The following CCDC3 variants were observed in gnomAD, a reference collection of about 807,000 sequenced individuals.
CCDC3 encodes coiled-coil domain-containing protein 3.
In CCDC3, 24 loss-of-function variants were observed where a neutral mutation model predicts 21.4. The ratio of observed to expected loss-of-function variants is 1.12; its 90% CI spans 0.81 to 1.58. The LOEUF (loss-of-function observed/expected upper bound fraction) is 1.58, where lower values mean the gene tolerates loss of function less well. Among genes scored for constraint, CCDC3 ranks in the 40% most tolerant of loss-of-function variants. CCDC3 has a pLI of 0.00. For missense variants in CCDC3, 425 were observed against 360.9 expected, an observed-to-expected ratio of 1.18 and a Z score of -1.44; for synonymous variants, 186 against 166.0, an observed-to-expected ratio of 1.12 and a Z score of -0.93.
intron 3 of CCDC3, among the ~76,000 whole-genome samples, chr10:13,084,184 G>A (rs180819478): frequency 5.3e-5 from 8 of 152,148 alleles, no homozygotes; most frequent in Middle Eastern, 3.4e-3. Flanking sequence ...CTACATAAAT[G>A]AGTATTATAC....
intron 4 of CCDC3, among the ~76,000 whole-genome samples, chr10:13,052,801 G>A (rs141700965): frequency 3.3e-5 from 5 of 152,190 alleles, no homozygotes; most frequent in East Asian, 3.9e-4. Context: ...TTCGCCAGAT[G>A]TGGTGGTGCA....
chr10:13,019,991 C>T (rs1216686428), intron 5 of CCDC3, among the ~76,000 whole-genome samples: 1 of 152,210 alleles, frequency 6.6e-6, no homozygotes, highest in South Asian at 2.1e-4. Context: ...AGTGAAACTC[C>T]TTCTAAAATA....
At chr10:13,075,977 G>C (rs553506440) in intron 3 of CCDC3, among the ~76,000 whole-genome samples, 1 of 152,316 alleles carries the variant, frequency 6.6e-6, no homozygotes, top group East Asian at 1.9e-4. Flanking sequence ...CAGGAGAATT[G>C]CTTGAACCTG....
chr10:12,928,794 C>T (rs536961625), intron 2 of CCDC3, among the ~76,000 whole-genome samples: 224 of 152,278 alleles, frequency 1.5e-3, no homozygotes, highest in Non-Finnish European at 2.7e-3. Flanking sequence ...TGTGAAGCAT[C>T]GTTCTCCTGT....
At chr10:12,965,427 T>A (rs2668904) in intron 2 of CCDC3, among the ~76,000 whole-genome samples, 151,848 of 152,328 alleles carry the variant, frequency 1, 75,688 homozygotes, top group Non-Finnish European at 1. Flanking sequence ...TTATATGTAC[T>A]TATACTGTCA....
At chr10:13,093,008 C>G (rs918728819) in intron 3 of CCDC3, among the ~76,000 whole-genome samples, 3 of 144,166 alleles carry the variant, frequency 2.1e-5, no homozygotes, top group Non-Finnish European at 4.5e-5. Context: ...AGTGGAAAGT[C>G]ATGTATGAAC....
intron 2 of CCDC3, among the ~76,000 whole-genome samples, chr10:12,946,861 A>G (rs1461741910): frequency 8.5e-5 from 13 of 152,220 alleles, no homozygotes; most frequent in Non-Finnish European, 2.9e-5. Context: ...CTCATCCTGT[A>G]CTACCTCAAA....
intron 2 of CCDC3, among the ~76,000 whole-genome samples, chr10:12,914,888 C>CTTAGT (rs982371696): frequency 3.9e-5 from 6 of 151,914 alleles, no homozygotes; most frequent in African/African-American, 1.5e-4. Flanking sequence ...TAACTTTGGG[C>CTTAGT]TTAGTTTGTT....
intron 2 of CCDC3, among the ~76,000 whole-genome samples, chr10:12,944,090 G>A (rs1293851754): frequency 2.0e-5 from 3 of 152,114 alleles, no homozygotes; most frequent in Non-Finnish European, 2.9e-5. Flanking sequence ...AGTGACTCCA[G>A]TAGAGTACCA....
intron 2 of CCDC3, among the ~76,000 whole-genome samples, chr10:12,948,234 CT>C (rs1834949694): frequency 6.6e-6 from 1 of 152,166 alleles, no homozygotes; most frequent in Non-Finnish European, 1.5e-5. Context: ...CTTCCTTCGC[CT>C]TCCACCATAA....
At chr10:13,031,923 C>A (rs1026070662) in intron 5 of CCDC3, among the ~76,000 whole-genome samples, 1 of 152,182 alleles carries the variant, frequency 6.6e-6, no homozygotes, top group Admixed American at 6.5e-5. Context: ...CAAAGAGGAG[C>A]TGGTACCATT....
intron 2 of CCDC3, among the ~76,000 whole-genome samples, chr10:12,961,293 G>A (rs141618663): frequency 6.6e-6 from 1 of 152,172 alleles, no homozygotes; most frequent in African/African-American, 2.4e-5. Context: ...AGCATCCCAA[G>A]AGCCTGCCAA....
intron 5 of CCDC3, among the ~76,000 whole-genome samples, chr10:13,019,353 T>C (rs1052981949): frequency 6.6e-6 from 1 of 152,180 alleles, no homozygotes; most frequent in Non-Finnish European, 1.5e-5. Context: ...GAACCATAAA[T>C]AAAATTTCAG....
chr10:12,997,974 TTGGGCCACATTCAAACTGTCC>T (rs1835788589), intron 2 of CCDC3, among the ~76,000 whole-genome samples: 1 of 152,170 alleles, frequency 6.6e-6, no homozygotes. Context: ...CAAATTTGTG[TTGGGCCACATTCAAACTGTCC>T]TGGGCTGCAG....
At chr10:12,934,804 C>CCTTTAT (rs1190476090) in intron 2 of CCDC3, among the ~76,000 whole-genome samples, 6 of 151,414 alleles carry the variant, frequency 4.0e-5, no homozygotes, top group African/African-American at 7.3e-5. Context: ...TTTCTGCGTC[C>CCTTTAT]CTTTATCTAT....
intron 5 of CCDC3, among the ~76,000 whole-genome samples, chr10:13,043,039 G>T (rs1328132096): frequency 6.6e-6 from 1 of 151,488 alleles, no homozygotes; most frequent in Non-Finnish European, 1.5e-5. Flanking sequence ...TGCAAATATT[G>T]AACATTTAAA....
intron 1 of CCDC3, among the ~76,000 whole-genome samples, chr10:12,999,446 A>G (rs950308405): frequency 2.0e-5 from 3 of 152,214 alleles, no homozygotes; most frequent in Non-Finnish European, 4.4e-5. Flanking sequence ...GTTACACTCC[A>G]GTCTACAGAA....
rs535336587 is a variant in CCDC3, at chr10:13,001,220, G to C, written c.351C>G (p.Asp117Glu). 1 of 1,565,246 alleles carries C rather than the reference G, an allele frequency of 6.4e-7. No individual in the cohort carries two copies. The highest frequency in any genetic ancestry group is 1.9e-5 in the Admixed American group (1 of 52,272). The part of the protein sequence containing the change: ...FSCHSHTVVQ[D>E]YSYFFFLRMD... ...ACCTGAGGAAGAAGAAATAGGAGTA[G>C]TCCTGGACCACGGTGTGGGAGTGGC... The change falls in exon 1 of 3, where the codon GAC (aspartate) becomes GAG (glutamate). Residue 117 changes from aspartate to glutamate, a missense_variant. Coordinates refer to ENST00000378825, the MANE Select transcript of CCDC3 (RefSeq NM_031455.4).
intron 2 of CCDC3, among the ~76,000 whole-genome samples, chr10:12,978,906 C>G (rs1314973582): frequency 2.6e-5 from 4 of 152,334 alleles, no homozygotes; most frequent in East Asian, 3.9e-4. Context: ...GGACCCCACA[C>G]TCATTATGCC....
Sources: gnomAD v4.1 joint callset for allele counts (sites outside exome capture counted in the v4.1 genomes callset) on GRCh38, gnomAD v4.1.1 for gene constraint, MANE v1.5 for transcripts, NCBI Gene and HGNC (gene_info 2026-07-23, HGNC 2026-07-21) for gene names.